PPP1R1C: variants seen among roughly 807,000 people sequenced by gnomAD.
PPP1R1C encodes the protein protein phosphatase 1 regulatory inhibitor subunit 1C, also known as protein phosphatase 1 regulatory subunit 1C.
A neutral mutation model predicts 17.4 loss-of-function variants in PPP1R1C; 15 were observed. The observed-to-expected ratio is 0.86, with a 90% CI of 0.58 to 1.33. The LOEUF is 1.33. Among genes scored for constraint, PPP1R1C ranks in the 40% most tolerant of loss-of-function variants. The pLI is 0.00. For missense variants in PPP1R1C, 143 were observed against 130.0 expected (o/e 1.10, Z -0.48); for synonymous variants, 35 against 43.1 (o/e 0.81, Z 0.73).
At chr2:182,083,408 C>G (rs957965523) in intron 4 of PPP1R1C, among the ~76,000 whole-genome samples, 2 of 152,132 alleles carry the variant, frequency 1.3e-5, no homozygotes, top group African/African-American at 4.8e-5. Context: ...CCTCTCTCAT[C>G]CTGCCCATTT....
chr2:182,045,284 T>A (rs1181087769), intron 2 of PPP1R1C, among the ~76,000 whole-genome samples: 1 of 152,234 alleles, frequency 6.6e-6, no homozygotes, highest in South Asian at 2.1e-4. Flanking sequence ...CATTGCTTTT[T>A]TTGAGGCATG....
intron 2 of PPP1R1C, among the ~76,000 whole-genome samples, chr2:182,041,677 A>G (rs900970467): frequency 1.3e-5 from 2 of 152,080 alleles, no homozygotes; most frequent in African/African-American, 2.4e-5. Flanking sequence ...GTATGAGCTA[A>G]GAAAATGCAA....
intron 2 of PPP1R1C, among the ~76,000 whole-genome samples, chr2:182,050,226 T>C (rs1276529554): frequency 3.3e-5 from 5 of 152,222 alleles, no homozygotes; most frequent in Admixed American, 2.6e-4. Context: ...ATATAGATTA[T>C]CCCCTATAGT....
intron 2 of PPP1R1C, among the ~76,000 whole-genome samples, chr2:182,014,006 A>G (rs1686170698): frequency 6.6e-6 from 1 of 152,234 alleles, no homozygotes; most frequent in Admixed American, 6.5e-5. Context: ...CTAAAAGTTT[A>G]CATATCTCTG....
chr2:182,066,698 G>A (rs954483129), intron 4 of PPP1R1C, among the ~76,000 whole-genome samples: 1 of 152,094 alleles, frequency 6.6e-6, no homozygotes, highest in Non-Finnish European at 1.5e-5. Flanking sequence ...ATAGAAAACA[G>A]ACTTTTTCAT....
At chr2:182,027,808 C>G (rs1438348646) in intron 2 of PPP1R1C, among the ~76,000 whole-genome samples, 2 of 147,968 alleles carry the variant, frequency 1.4e-5, no homozygotes, top group African/African-American at 5.0e-5. Context: ...CCTTGTACCT[C>G]TGGTAGAATT....
intron 2 of PPP1R1C, among the ~76,000 whole-genome samples, chr2:182,014,494 A>G (rs1465711301): frequency 6.6e-6 from 1 of 151,758 alleles, no homozygotes; most frequent in Non-Finnish European, 1.5e-5. Context: ...TTCAGACCCA[A>G]GCCAGCACAG....
intron 2 of PPP1R1C, among the ~76,000 whole-genome samples, chr2:182,007,689 T>C (rs1399250564): frequency 6.6e-6 from 1 of 152,190 alleles, no homozygotes; most frequent in Non-Finnish European, 1.5e-5. Flanking sequence ...GCCTGGAGAC[T>C]AGGAGTTTTA....
At chr2:181,956,983 C>T (rs763932710) in intron 1 of PPP1R1C, among the ~76,000 whole-genome samples, 7 of 152,140 alleles carry the variant, frequency 4.6e-5, no homozygotes, top group African/African-American at 1.7e-4. Context: ...CACTGTTAAA[C>T]CTTAAAATTG....
chr2:181,990,385 C>T (rs960349309), intron 2 of PPP1R1C, among the ~76,000 whole-genome samples: 11 of 152,010 alleles, frequency 7.2e-5, no homozygotes, highest in Non-Finnish European at 1.2e-4. Context: ...CCTCGCTATC[C>T]GCCCGCCTCG....
chr2:182,025,019 T>G (rs1221333052), intron 2 of PPP1R1C, among the ~76,000 whole-genome samples: 1 of 149,530 alleles, frequency 6.7e-6, no homozygotes, highest in Non-Finnish European at 1.5e-5. Flanking sequence ...AAGCTATGAC[T>G]TGACAACCAC....
intron 4 of PPP1R1C, among the ~76,000 whole-genome samples, chr2:182,116,712 A>G (rs1689594266): frequency 6.6e-6 from 1 of 152,172 alleles, no homozygotes. Flanking sequence ...AATTTTGAAG[A>G]GAGAAGTTCC....
intron 2 of PPP1R1C, among the ~76,000 whole-genome samples, chr2:182,020,635 G>A (rs1686392419): frequency 6.6e-6 from 1 of 152,020 alleles, no homozygotes; most frequent in Admixed American, 6.5e-5. Context: ...CTTTCCATAA[G>A]GGGTTTAAAG....
intron 4 of PPP1R1C, among the ~76,000 whole-genome samples, chr2:182,111,671 C>A (rs1204589731): frequency 2.6e-5 from 4 of 151,330 alleles, no homozygotes; most frequent in Non-Finnish European, 5.9e-5. Flanking sequence ...TACTGAGGGG[C>A]CTTTCTGTTT....
At chr2:182,060,414 G>T (rs1687817001) in intron 2 of PPP1R1C, among the ~76,000 whole-genome samples, 1 of 151,874 alleles carries the variant, frequency 6.6e-6, no homozygotes. Context: ...CTTTTTTGTT[G>T]CAAAAGTAAT....
chr2:181,987,729 G>A (rs1685343723), intron 1 of PPP1R1C, 110 bp from the exon 2 acceptor site: 1 of 996,870 alleles, frequency 1.0e-6, no homozygotes, highest in East Asian at 2.5e-5. Context: ...CCAGAAATTT[G>A]CTTTTGCATG....
At chr2:182,125,744 C>T (rs1689857836) in intron 5 of PPP1R1C, among the ~76,000 whole-genome samples, 1 of 151,968 alleles carries the variant, frequency 6.6e-6, no homozygotes, top group Non-Finnish European at 1.5e-5. Context: ...GTGGTGATAT[C>T]CCCTTTATAA....
At chr2:182,049,254 T>C (rs1286116738) in intron 2 of PPP1R1C, among the ~76,000 whole-genome samples, 1 of 143,366 alleles carries the variant, frequency 7.0e-6, no homozygotes, top group African/African-American at 2.6e-5. Context: ...CACTTGAGCC[T>C]GGGAAGTGGA....
chr2:182,109,584 C>T (rs539503397), intron 4 of PPP1R1C, among the ~76,000 whole-genome samples: 1 of 152,056 alleles, frequency 6.6e-6, no homozygotes, highest in Non-Finnish European at 1.5e-5. Flanking sequence ...TGTTCAAGTT[C>T]CCGTTTGTTG....
Sources: allele counts gnomAD v4.1 joint callset (sites outside exome capture counted in the v4.1 genomes callset), GRCh38; gene constraint gnomAD v4.1.1; transcripts MANE v1.5; gene names NCBI Gene and HGNC (gene_info 2026-07-23, HGNC 2026-07-21).